PLEKHA7: variants seen among roughly 807,000 people sequenced by gnomAD.
The protein encoded by PLEKHA7 is pleckstrin homology domain-containing family A member 7.
PLEKHA7 carries 104 observed loss-of-function variants against 170.0 expected under a neutral mutation model. The ratio of observed to expected loss-of-function variants is 0.61; its 90% confidence interval spans 0.52 to 0.72. The LOEUF is 0.72. PLEKHA7 is among the 30% of genes least tolerant of loss of function. The probability of loss-of-function intolerance (pLI) is 0.00; values close to 1 mark genes in which losing one functional copy is unlikely to be tolerated. For synonymous variants in PLEKHA7, 648 were observed against 660.8 expected, an observed-to-expected ratio of 0.98 and a Z score of 0.30; for missense variants, 1,615 against 1,671.7, an observed-to-expected ratio of 0.97 and a Z score of 0.59.
Position 16,852,265 on chromosome 11 carries a change from G to T in PLEKHA7, c.595+18C>A. On this transcript the variant is annotated intron_variant, in intron 7 of 26. Transcript: ENST00000531066. The stretch of plus-strand genomic sequence containing the variant: ...AACTGAACACTTCGGCAGGGTAATA[G>T]GCTACTTGTTAGCTCACCTTTATAG... 2 of 1,612,414 alleles carry T rather than the reference G, an allele frequency of 1.2e-6. No individual in the cohort carries two copies. The highest frequency in any genetic ancestry group is 1.7e-6 in the Non-Finnish European group (2 of 1,178,648).
At chr11:16,926,488 C>T (rs1471423265) in intron 3 of PLEKHA7, among the ~76,000 whole-genome samples, 5 of 152,232 alleles carry the variant, frequency 3.3e-5, no homozygotes, top group African/African-American at 1.2e-4. Context: ...CCTACACTCA[C>T]AGTGCTTCTA....
intron 3 of PLEKHA7, among the ~76,000 whole-genome samples, chr11:16,908,256 T>TA (rs56085929): frequency 0.15 from 16,021 of 104,142 alleles, 730 homozygotes; most frequent in East Asian, 0.2. Flanking sequence ...GAATGATCAA[T>TA]AAAAAAAAAA....
chr11:16,837,987 G>A (rs1851650775), intron 9 of PLEKHA7, among the ~76,000 whole-genome samples: 3 of 152,148 alleles, frequency 2.0e-5, no homozygotes, highest in African/African-American at 7.2e-5. Flanking sequence ...TCAAAGGGAA[G>A]GGGGAAAAGA....
At chr11:16,845,423 G>A (rs912486503) in intron 8 of PLEKHA7, among the ~76,000 whole-genome samples, 1 of 152,208 alleles carries the variant, frequency 6.6e-6, no homozygotes, top group African/African-American at 2.4e-5. Flanking sequence ...CTGGAGTGCA[G>A]TGGTACTGTC....
intron 10 of PLEKHA7, among the ~76,000 whole-genome samples, chr11:16,825,897 A>G (rs938545240): frequency 6.6e-6 from 1 of 152,218 alleles, no homozygotes; most frequent in African/African-American, 2.4e-5. Flanking sequence ...TGGCCTTACC[A>G]GCTGTGTGCT....
intron 12 of PLEKHA7, 27 bp downstream of exon 12, chr11:16,816,151 C>A: frequency 1.9e-6 from 3 of 1,568,292 alleles, no homozygotes; most frequent in Non-Finnish European, 1.8e-6. Context: ...TAGGGCTTTG[C>A]AGGCTATGTC....
In PLEKHA7 at chr11:16,794,184, C is replaced by G. The variant is rs558540952; in HGVS notation, c.2745+304G>C. Among the ~76,000 whole-genome samples, 14 of 151,928 alleles carry G rather than the reference C, an allele frequency of 9.2e-5. No homozygotes were observed. The South Asian group carries it at 2.9e-3, about 32-fold the overall frequency. ...GACAGCTTCGTCCACAGCCACACAC[C>G]TCTCTGCAGATCACAAACTCCACCC... On this transcript the variant is annotated intron_variant, in intron 19 of 26. Transcript: ENST00000531066.
At chr11:16,893,766 A>AG in intron 3 of PLEKHA7, among the ~76,000 whole-genome samples, 1 of 152,208 alleles carries the variant, frequency 6.6e-6, no homozygotes, top group African/African-American at 2.4e-5. Flanking sequence ...CTGTGCTGTA[A>AG]AGTATCAGCA....
At chr11:16,915,807 A>G (rs1858619624) in intron 3 of PLEKHA7, among the ~76,000 whole-genome samples, 2 of 148,898 alleles carry the variant, frequency 1.3e-5, no homozygotes, top group Middle Eastern at 3.6e-3. Flanking sequence ...ATTGTGAATA[A>G]TGCCGCAATA....
At chr11:16,887,447 G>A (rs1356243786) in intron 3 of PLEKHA7, among the ~76,000 whole-genome samples, 1 of 151,766 alleles carries the variant, frequency 6.6e-6, no homozygotes, top group Non-Finnish European at 1.5e-5. Context: ...ATGCCGAGTC[G>A]AAGCTGGACT....
At chr11:16,809,905 C>T (rs950930367) in intron 13 of PLEKHA7, among the ~76,000 whole-genome samples, 2 of 152,344 alleles carry the variant, frequency 1.3e-5, no homozygotes, top group East Asian at 1.9e-4. Context: ...TCAATCATTC[C>T]GCACTGTAGC....
In PLEKHA7 at chr11:16,878,037, C is replaced by T. The variant is rs575966833; in HGVS notation, c.222-6855G>A. Among the ~76,000 whole-genome samples, 7 of 152,202 alleles carry T rather than the reference C, an allele frequency of 4.6e-5. No individual in the cohort carries two copies. In the East Asian group the frequency reaches 7.7e-4, roughly 17 times the overall value. On this transcript the variant is annotated intron_variant, in intron 3 of 26. Transcript: ENST00000531066. ...AAGAATAGAATGAGCCTCCCTTCCC[C>T]GCAAACTCAATACTCCTCCAGGCTT... is the stretch of plus-strand genomic sequence containing the variant.
chr11:16,982,912 G>GA (rs1863528181), intron 3 of PLEKHA7, among the ~76,000 whole-genome samples: 1 of 151,930 alleles, frequency 6.6e-6, no homozygotes, highest in African/African-American at 2.4e-5. Flanking sequence ...ACACTATTTC[G>GA]AGACACTGCC....
chr11:16,973,818 T>C (rs186765003), intron 3 of PLEKHA7, among the ~76,000 whole-genome samples: 2 of 152,168 alleles, frequency 1.3e-5, no homozygotes, highest in East Asian at 3.9e-4. Flanking sequence ...ACTGTGAGTA[T>C]CAAACATGAA....
chr11:16,786,607 A>AC, intron 23 of PLEKHA7: 7 of 985,290 alleles, frequency 7.1e-6, no homozygotes, highest in Non-Finnish European at 8.4e-6. Flanking sequence ...TCAAACATAC[A>AC]CCCTTGGGGC....
intron 4 of PLEKHA7, among the ~76,000 whole-genome samples, chr11:16,858,862 C>T (rs1853695377): frequency 6.6e-6 from 1 of 152,170 alleles, no homozygotes; most frequent in Non-Finnish European, 1.5e-5. Flanking sequence ...TTTAACTTGA[C>T]ACCCCCCAAA....
chr11:16,911,938 G>C (rs769042685), intron 3 of PLEKHA7, among the ~76,000 whole-genome samples: 5 of 152,078 alleles, frequency 3.3e-5, no homozygotes, highest in Non-Finnish European at 7.4e-5. Context: ...CACAGCCAGA[G>C]CACACCCTGG....
intron 8 of PLEKHA7, among the ~76,000 whole-genome samples, chr11:16,847,805 G>A (rs747412761): frequency 1.9e-4 from 26 of 139,212 alleles, no homozygotes; most frequent in Admixed American, 1.5e-3. Context: ...TCGTGCCATT[G>A]TACTCCAGCC....
chr11:16,920,409 C>T (rs1381286478), intron 3 of PLEKHA7, among the ~76,000 whole-genome samples: 3 of 152,170 alleles, frequency 2.0e-5, no homozygotes, highest in Non-Finnish European at 4.4e-5. Flanking sequence ...TAGCAAATCT[C>T]CCCTGACAAA....
Sources: allele counts gnomAD v4.1 joint callset (sites outside exome capture counted in the v4.1 genomes callset), GRCh38; gene constraint gnomAD v4.1.1; transcripts MANE v1.5; gene names NCBI Gene and HGNC (gene_info 2026-07-23, HGNC 2026-07-21).